PIGK: variants seen among roughly 807,000 people sequenced by gnomAD.
PIGK encodes the protein phosphatidylinositol glycan anchor biosynthesis class K, also known as GPI-anchor transamidase.
A neutral mutation model predicts 50.6 loss-of-function variants in PIGK; 42 were observed. That is an observed-to-expected ratio of 0.83 (90% CI 0.65 to 1.07). The LOEUF (loss-of-function observed/expected upper bound fraction) is 1.07. PIGK is among the 50% of genes least tolerant of loss of function. The probability of loss-of-function intolerance (pLI) is 0.00; values close to 1 mark genes in which losing one functional copy is unlikely to be tolerated. For missense variants in PIGK, 448 were observed against 488.7 expected, an observed-to-expected ratio of 0.92 and a Z score of 0.78; for synonymous variants, 151 against 156.0, an observed-to-expected ratio of 0.97 and a Z score of 0.24.
intron 10 of PIGK, among the ~76,000 whole-genome samples, chr1:77,097,426 CAT>C (rs1653441319): frequency 6.6e-6 from 1 of 152,136 alleles, no homozygotes. Flanking sequence ...GAGGTAATCA[CAT>C]GTTGCGCCCG....
chr1:77,152,766 G>A (rs1046037635), intron 9 of PIGK, among the ~76,000 whole-genome samples: 1 of 151,958 alleles, frequency 6.6e-6, no homozygotes, highest in South Asian at 2.1e-4. Flanking sequence ...ACAGGTATAT[G>A]AAAAAATGCT....
At chr1:77,122,533 A>G (rs982775451) in intron 9 of PIGK, among the ~76,000 whole-genome samples, 174 bp from the exon 10 acceptor site, 2 of 152,256 alleles carry the variant, frequency 1.3e-5, no homozygotes, top group Non-Finnish European at 2.9e-5. Context: ...AAATGACTAT[A>G]GAAGTATTCA....
chr1:77,102,939 T>G (rs571832927), intron 10 of PIGK, among the ~76,000 whole-genome samples: 2 of 152,196 alleles, frequency 1.3e-5, no homozygotes, highest in South Asian at 4.1e-4. Flanking sequence ...TTGAAGAAAA[T>G]AACTCATCCT....
At chr1:77,115,625 G>T (rs1355345211) in intron 10 of PIGK, among the ~76,000 whole-genome samples, 1 of 152,050 alleles carries the variant, frequency 6.6e-6, no homozygotes, top group Non-Finnish European at 1.5e-5. Flanking sequence ...TGTATGAACT[G>T]GTTACACTGG....
intron 3 of PIGK, among the ~76,000 whole-genome samples, chr1:77,170,030 T>C (rs1297196691): frequency 6.6e-6 from 1 of 152,208 alleles, no homozygotes; most frequent in East Asian, 1.9e-4. Context: ...GGCTAGATGC[T>C]GGAATAGCTC....
In PIGK at chr1:77,203,669, CG is replaced by C. The variant is rs201783607; in HGVS notation, c.239+2970del. On this transcript the variant is annotated intron_variant, in intron 3 of 10. Coordinates refer to ENST00000370812, the MANE Select transcript of PIGK (RefSeq NM_005482.3). ...TAATGCTGGGGGAAGTCAGGGACCC[CG>C]AACAGAGGGACCAGCTGAAGCCACA... 9.7e-4 allele frequency among the ~76,000 whole-genome samples: 148 copies of C among 152,210 alleles called. 4 individuals are homozygous for C. The East Asian group carries it at 0.027, about 27-fold the overall frequency.
At chr1:77,127,717 T>A (rs778110056) in intron 9 of PIGK, among the ~76,000 whole-genome samples, 2 of 152,132 alleles carry the variant, frequency 1.3e-5, no homozygotes, top group Non-Finnish European at 2.9e-5. Context: ...TAATCCAAAA[T>A]CATTAGGAAG....
chr1:77,100,408 T>C lies in PIGK; in HGVS notation c.1072-7918A>G, dbSNP rs940626650. ...AATGCAATTTGTATTTCTCTAATTA[T>C]ATTAATAGTGTAAGTCAAACTGTGG... On this transcript the variant is annotated intron_variant, in intron 10 of 10. Transcript: ENST00000370812. 8.5e-5 allele frequency among the ~76,000 whole-genome samples: 13 copies of C among 152,314 alleles called. No homozygotes were observed. In the East Asian group the frequency reaches 2.3e-3, roughly 27 times the overall value.
At chr1:77,180,908 G>A (rs1655596405) in intron 3 of PIGK, among the ~76,000 whole-genome samples, 1 of 152,046 alleles carries the variant, frequency 6.6e-6, no homozygotes, top group South Asian at 2.1e-4. Flanking sequence ...TAGCTTAAGT[G>A]ATTTTGGGGC....
chr1:77,203,516 T>C (rs1656217504), intron 3 of PIGK, among the ~76,000 whole-genome samples: 1 of 152,188 alleles, frequency 6.6e-6, no homozygotes, highest in African/African-American at 2.4e-5. Flanking sequence ...ATGAGGGTCT[T>C]ATGAGTGTAT....
intron 10 of PIGK, among the ~76,000 whole-genome samples, chr1:77,107,080 C>T (rs1470583226): frequency 2.6e-5 from 4 of 152,228 alleles, no homozygotes; most frequent in South Asian, 4.1e-4. Flanking sequence ...TTTTGTGTCT[C>T]TATCTCCTTC....
chr1:77,111,447 G>T (rs1177093900), intron 10 of PIGK, among the ~76,000 whole-genome samples: 4 of 152,086 alleles, frequency 2.6e-5, no homozygotes, highest in Non-Finnish European at 5.9e-5. Flanking sequence ...ATGAATTCCT[G>T]TCCTTTGTAG....
In PIGK at chr1:77,133,249, T is replaced by G. The variant is rs1309549322; in HGVS notation, c.987-10890A>C. Among the ~76,000 whole-genome samples, 8 of 152,280 alleles carry G rather than the reference T, an allele frequency of 5.3e-5. No individual in the cohort carries two copies. The East Asian group carries it at 1.5e-3, about 29-fold the overall frequency. ...ATTGTACTGTCTTCAAGTTCACTAA[T>G]TCTATCATCTTCTGTATCCAATTTG... is the stretch of plus-strand genomic sequence containing the variant. On this transcript the variant is annotated intron_variant, in intron 9 of 10. Transcript: ENST00000370812.
intron 3 of PIGK, among the ~76,000 whole-genome samples, chr1:77,179,123 T>G (rs191300004): frequency 6.6e-6 from 1 of 152,230 alleles, no homozygotes; most frequent in East Asian, 1.9e-4. Flanking sequence ...AGGTTTGTTT[T>G]CCTCCTGTTA....
intron 3 of PIGK, among the ~76,000 whole-genome samples, chr1:77,185,312 T>A (rs1393474379): frequency 6.6e-6 from 1 of 152,226 alleles, no homozygotes; most frequent in Non-Finnish European, 1.5e-5. Context: ...GATATCACCC[T>A]GGTACATTAC....
At chr1:77,138,071 T>C (rs1203542885) in intron 9 of PIGK, among the ~76,000 whole-genome samples, 2 of 152,232 alleles carry the variant, frequency 1.3e-5, no homozygotes, top group African/African-American at 4.8e-5. Flanking sequence ...ATATGCCCTG[T>C]ATTGTCCACT....
At chr1:77,171,436 CAAAAAAAAAAAAA>C (rs58788160) in intron 3 of PIGK, among the ~76,000 whole-genome samples, 3 of 46,900 alleles carry the variant, frequency 6.4e-5, no homozygotes, top group Non-Finnish European at 8.2e-5. Context: ...GACTCCACCT[CAAAAAAAAAAAAA>C]AAAAAAAAAA....
chr1:77,189,694 CATATATATATAT>C (rs71075728), intron 3 of PIGK, among the ~76,000 whole-genome samples: 1,151 of 70,746 alleles, frequency 0.016, 30 homozygotes, highest in Non-Finnish European at 0.024. Flanking sequence ...ACAATAAACT[CATATATATATAT>C]ATATATATAT....
At chr1:77,211,483 C>T (rs1021823366) in intron 1 of PIGK, among the ~76,000 whole-genome samples, 1 of 151,758 alleles carries the variant, frequency 6.6e-6, no homozygotes, top group Non-Finnish European at 1.5e-5. Context: ...AGTGAGAAGG[C>T]AAGGTAAAAA....
Sources: gnomAD v4.1 joint callset for allele counts (sites outside exome capture counted in the v4.1 genomes callset) on GRCh38, gnomAD v4.1.1 for gene constraint, MANE v1.5 for transcripts, NCBI Gene and HGNC (gene_info 2026-07-23, HGNC 2026-07-21) for gene names.